HTR1E: variants seen among roughly 807,000 people sequenced by gnomAD.
The protein encoded by HTR1E is 5-hydroxytryptamine receptor 1E.
Under a neutral mutation model 3.4 loss-of-function variants are expected in HTR1E, and 3 were observed. That is an observed-to-expected ratio of 0.89 (90% CI 0.41 to 2.31). The LOEUF (loss-of-function observed/expected upper bound fraction) is 2.31. Among genes scored for constraint, HTR1E ranks in the 30% most tolerant of loss-of-function variants. HTR1E has a pLI of 0.05. For synonymous variants in HTR1E, 170 were observed against 182.8 expected (o/e 0.93, Z 0.56); for missense variants, 392 against 467.0 (o/e 0.84, Z 1.48).
At chr6:87,006,414 G>A (rs566857862) in intron 1 of HTR1E, among the ~76,000 whole-genome samples, 1 of 152,288 alleles carries the variant, frequency 6.6e-6, no homozygotes, top group South Asian at 2.1e-4. Context: ...TTATTAAAAA[G>A]TCAAGAAACA....
At chr6:86,942,570 C>T (rs1768561206) in intron 1 of HTR1E, among the ~76,000 whole-genome samples, 1 of 152,130 alleles carries the variant, frequency 6.6e-6, no homozygotes, top group Non-Finnish European at 1.5e-5. Context: ...CCATTCTTTC[C>T]TTCTGAACCT....
chr6:86,981,965 C>T (rs569431309), intron 1 of HTR1E, among the ~76,000 whole-genome samples: 1 of 151,830 alleles, frequency 6.6e-6, no homozygotes, highest in African/African-American at 2.4e-5. Context: ...GTTCACTTAA[C>T]TTTGATTTCT....
intron 1 of HTR1E, among the ~76,000 whole-genome samples, chr6:87,007,818 C>T (rs1173161806): frequency 6.6e-6 from 1 of 152,020 alleles, no homozygotes; most frequent in Admixed American, 6.6e-5. Context: ...TCTGTGGTCC[C>T]AGCTGCTCAA....
intron 1 of HTR1E, among the ~76,000 whole-genome samples, chr6:86,977,855 A>C (rs972952637): frequency 2.0e-5 from 3 of 151,350 alleles, no homozygotes; most frequent in African/African-American, 7.3e-5. Flanking sequence ...TGCTTGTATC[A>C]CTCCCTTTAA....
In HTR1E at chr6:86,964,025, A is replaced by G. The variant is rs913689699; in HGVS notation, c.-186+26202A>G. Among the ~76,000 whole-genome samples, 4 of 152,216 alleles carry G rather than the reference A, an allele frequency of 2.6e-5. No individual in the cohort carries two copies. The East Asian group carries it at 7.7e-4, about 29-fold the overall frequency. On this transcript the variant is annotated intron_variant, in intron 1 of 1. Coordinates refer to ENST00000305344, the MANE Select transcript of HTR1E (RefSeq NM_000865.3). ...ACAAGCAAAAATTACTCTACAGTTC[A>G]GGACATCATTCTAGAAAACCCTAGA...
intron 1 of HTR1E, among the ~76,000 whole-genome samples, chr6:86,986,598 G>GCACT (rs1767791690): frequency 6.6e-6 from 1 of 152,250 alleles, no homozygotes; most frequent in African/African-American, 2.4e-5. Context: ...ACTCAGCCCA[G>GCACT]CACTCCATCA....
At chr6:86,973,825 G>A (rs1012563181) in intron 1 of HTR1E, among the ~76,000 whole-genome samples, 1 of 152,194 alleles carries the variant, frequency 6.6e-6, no homozygotes, top group Non-Finnish European at 1.5e-5. Flanking sequence ...ATCTCTTTCT[G>A]CTGTAGTTTC....
chr6:87,015,312 G>A lies in HTR1E; in HGVS notation c.-23G>A. On this transcript the variant is annotated 5_prime_UTR_variant, in exon 2 of 2. The change creates a new upstream start codon in the 5' untranslated region. Coordinates refer to ENST00000305344, the MANE Select transcript of HTR1E (RefSeq NM_000865.3). ...GAAAATAACCAACAGCTTCTCCACA[G>A]TGTAGACTGAAACAAGGGAAACATG... The A allele has an allele frequency of 1.3e-6, 2 of 1,523,898 alleles. No individual in the cohort carries two copies. The highest frequency in any genetic ancestry group is 1.8e-6 in the Non-Finnish European group (2 of 1,131,808). The allele number at this position is 1,523,898 out of a possible 1,614,324, so 94.4% of individuals were successfully genotyped here.
At chr6:86,947,064 C>T (rs1247882757) in intron 1 of HTR1E, among the ~76,000 whole-genome samples, 4 of 151,572 alleles carry the variant, frequency 2.6e-5, no homozygotes, top group African/African-American at 9.7e-5. Context: ...TGTGGTGAGC[C>T]GAGATCGCGC....
intron 1 of HTR1E, among the ~76,000 whole-genome samples, chr6:86,942,175 C>A (rs1326332990): frequency 6.6e-6 from 1 of 152,128 alleles, no homozygotes; most frequent in Non-Finnish European, 1.5e-5. Flanking sequence ...AAGGAAAGCC[C>A]ACCTCATCTG....
At chr6:86,989,284 C>T (rs1048360788) in intron 1 of HTR1E, among the ~76,000 whole-genome samples, 3 of 152,268 alleles carry the variant, frequency 2.0e-5, no homozygotes, top group Middle Eastern at 6.8e-3. Flanking sequence ...CCCAAATCAC[C>T]AAATTCTACC....
chr6:87,006,601 C>G (rs2127831772), intron 1 of HTR1E, among the ~76,000 whole-genome samples: 1 of 152,274 alleles, frequency 6.6e-6, no homozygotes, highest in African/African-American at 2.4e-5. Flanking sequence ...TCTAAATTAT[C>G]CTATTATAAA....
chr6:87,007,636 T>G (rs1768135386), intron 1 of HTR1E, among the ~76,000 whole-genome samples: 1 of 152,182 alleles, frequency 6.6e-6, no homozygotes, highest in Non-Finnish European at 1.5e-5. Flanking sequence ...TTAAAATTTT[T>G]AAAAATTAAA....
At chr6:86,971,067 C>T (rs77883200) in intron 1 of HTR1E, 9,919 of 509,616 alleles carry the variant, frequency 0.019, 380 homozygotes, top group East Asian at 0.14. Flanking sequence ...CAAATAACTT[C>T]CTGTGGCCCT....
chr6:86,962,417 T>C (rs994207658), intron 1 of HTR1E, among the ~76,000 whole-genome samples: 1 of 152,168 alleles, frequency 6.6e-6, no homozygotes, highest in Non-Finnish European at 1.5e-5. Context: ...ACATATACAA[T>C]GGTGGTCCCA....
chr6:87,011,299 G>C (rs1159740552), intron 1 of HTR1E, among the ~76,000 whole-genome samples: 2 of 152,134 alleles, frequency 1.3e-5, no homozygotes, highest in African/African-American at 4.8e-5. Flanking sequence ...AAAGGGAAGT[G>C]GTATCTGGAA....
At chr6:86,947,545 A>G (rs1291136803) in intron 1 of HTR1E, among the ~76,000 whole-genome samples, 1 of 152,110 alleles carries the variant, frequency 6.6e-6, no homozygotes, top group African/African-American at 2.4e-5. Flanking sequence ...AGTTAAAGTT[A>G]CTCTTATTGC....
intron 1 of HTR1E, among the ~76,000 whole-genome samples, chr6:86,940,456 AG>A (rs1319471226): frequency 2.6e-5 from 4 of 152,208 alleles, no homozygotes; most frequent in Non-Finnish European, 5.9e-5. Context: ...GGATCGCTTG[AG>A]CCCAGAAAGC....
At chr6:87,013,502 A>T (rs1440778556) in intron 1 of HTR1E, among the ~76,000 whole-genome samples, 4 of 152,140 alleles carry the variant, frequency 2.6e-5, no homozygotes, top group African/African-American at 9.7e-5. Context: ...ATTGCAGTTA[A>T]CTTTCCAAAG....
Sources: allele counts gnomAD v4.1 joint callset (sites outside exome capture counted in the v4.1 genomes callset), GRCh38; gene constraint gnomAD v4.1.1; transcripts MANE v1.5; gene names NCBI Gene and HGNC (gene_info 2026-07-23, HGNC 2026-07-21).